The following CFAP90 variants were observed in gnomAD, a reference collection of about 807,000 sequenced individuals.
CFAP90 encodes the protein cilia and flagella associated protein 90.
At chr5:7,844,842 T>C in the CFAP90 span, among the ~76,000 whole-genome samples, 1 of 152,084 alleles carries the variant, frequency 6.6e-6, no homozygotes. Flanking sequence ...ACAGGACCCA[T>C]AGAGGGAGGA....
At chr5:7,831,907 C>T in the CFAP90 span, 1 of 1,614,094 alleles carries the variant, frequency 6.2e-7, no homozygotes, top group Non-Finnish European at 8.5e-7. Flanking sequence ...TGTCGTTCTT[C>T]CTGTAGAAGT....
the CFAP90 span, chr5:7,830,534 A>G: frequency 9.2e-5 from 14 of 152,234 alleles, no homozygotes; most frequent in African/African-American, 3.4e-4. Context: ...ACCCAAAGGC[A>G]TTCGAAATAA....
chr5:7,845,301 A>G, the CFAP90 span, among the ~76,000 whole-genome samples: 2 of 152,328 alleles, frequency 1.3e-5, no homozygotes, highest in Admixed American at 1.3e-4. Context: ...TTGCTAAACC[A>G]TATCAACATG....
chr5:7,837,250 C>A, the CFAP90 span, among the ~76,000 whole-genome samples: 1 of 151,964 alleles, frequency 6.6e-6, no homozygotes, highest in East Asian at 1.9e-4. Flanking sequence ...CTTCCTTGTT[C>A]GGTATCTAGT....
At chr5:7,839,455 T>C in the CFAP90 span, among the ~76,000 whole-genome samples, 4 of 152,206 alleles carry the variant, frequency 2.6e-5, no homozygotes, top group African/African-American at 9.7e-5. Flanking sequence ...TGGATTATCC[T>C]GGGAGAAAAA....
At chr5:7,839,260 GA>G in the CFAP90 span, among the ~76,000 whole-genome samples, 1 of 152,270 alleles carries the variant, frequency 6.6e-6, no homozygotes, top group African/African-American at 2.4e-5. Flanking sequence ...TTCAATATGA[GA>G]TTTGGGTGGC....
At chr5:7,833,287 A>G in the CFAP90 span, among the ~76,000 whole-genome samples, 1 of 152,174 alleles carries the variant, frequency 6.6e-6, no homozygotes, top group Non-Finnish European at 1.5e-5. Context: ...GCACACACAC[A>G]TGCATGTACA....
At chr5:7,844,507 A>G in the CFAP90 span, among the ~76,000 whole-genome samples, 1 of 152,232 alleles carries the variant, frequency 6.6e-6, no homozygotes, top group Non-Finnish European at 1.5e-5. Flanking sequence ...TGATAAAGGT[A>G]AATCATTGTC....
chr5:7,845,116 G>T, the CFAP90 span, among the ~76,000 whole-genome samples: 1 of 152,258 alleles, frequency 6.6e-6, no homozygotes, highest in East Asian at 1.9e-4. Context: ...AGGAGAGACA[G>T]AGAGAGAGCA....
chr5:7,831,660 C>A, the CFAP90 span: 1 of 549,624 alleles, frequency 1.8e-6, no homozygotes, highest in Admixed American at 3.1e-5. Context: ...GTTGGTCAGG[C>A]TCCTAACCCA....
the CFAP90 span, among the ~76,000 whole-genome samples, chr5:7,849,948 G>A: frequency 6.6e-6 from 1 of 151,992 alleles, no homozygotes; most frequent in Non-Finnish European, 1.5e-5. Context: ...GGGCGGCCCC[G>A]GCTTCCCGCG....
At chr5:7,847,551 A>G in the CFAP90 span, among the ~76,000 whole-genome samples, 1 of 152,136 alleles carries the variant, frequency 6.6e-6, no homozygotes, top group Non-Finnish European at 1.5e-5. Flanking sequence ...AACCACAGAC[A>G]TGCAAACACA....
At chr5:7,835,291 C>T in the CFAP90 span, 3 of 729,870 alleles carry the variant, frequency 4.1e-6, no homozygotes, top group Non-Finnish European at 6.9e-6. Flanking sequence ...TCTATGAAGC[C>T]TAATAAAGTG....
chr5:7,835,293 A>G, the CFAP90 span: 3 of 738,980 alleles, frequency 4.1e-6, no homozygotes, highest in Non-Finnish European at 6.8e-6. Context: ...TATGAAGCCT[A>G]ATAAAGTGAA....
the CFAP90 span, among the ~76,000 whole-genome samples, chr5:7,848,501 A>T: frequency 2.6e-5 from 4 of 152,236 alleles, no homozygotes; most frequent in African/African-American, 9.6e-5. Context: ...ACTGTCTCAC[A>T]GTACTGGCAC....
chr5:7,849,058 G>C, the CFAP90 span, among the ~76,000 whole-genome samples: 2 of 152,142 alleles, frequency 1.3e-5, no homozygotes, highest in African/African-American at 4.8e-5. Context: ...TACTGGAATA[G>C]GGCTCATCCT....
the CFAP90 span, among the ~76,000 whole-genome samples, chr5:7,846,058 A>G: frequency 6.6e-6 from 1 of 152,010 alleles, no homozygotes; most frequent in Non-Finnish European, 1.5e-5. Context: ...GCAAATCATA[A>G]TAATAGCTAT....
At chr5:7,849,957 C>A in the CFAP90 span, among the ~76,000 whole-genome samples, 1 of 152,058 alleles carries the variant, frequency 6.6e-6, no homozygotes, top group Non-Finnish European at 1.5e-5. Context: ...CGGCTTCCCG[C>A]GACCCCCTCC....
chr5:7,840,061 T>G, the CFAP90 span, among the ~76,000 whole-genome samples: 5 of 152,218 alleles, frequency 3.3e-5, no homozygotes, highest in Non-Finnish European at 7.3e-5. Context: ...AGACAGAGCT[T>G]CTGAAATTAC....
Sources: allele counts gnomAD v4.1 joint callset (sites outside exome capture counted in the v4.1 genomes callset), GRCh38; gene constraint gnomAD v4.1.1; transcripts MANE v1.5; gene names NCBI Gene and HGNC (gene_info 2026-07-23, HGNC 2026-07-21).